The following FSD1L variants were observed in gnomAD, a reference collection of about 807,000 sequenced individuals.
FSD1L encodes the protein fibronectin type III and SPRY domain containing 1 like.
FSD1L carries 45 observed loss-of-function variants against 71.6 expected under a neutral mutation model. That is an observed-to-expected ratio of 0.63 (90% CI 0.49 to 0.81). The LOEUF (loss-of-function observed/expected upper bound fraction) is 0.81, where lower values mean the gene tolerates loss of function less well. FSD1L is among the 30% of genes least tolerant of loss of function. The probability of loss-of-function intolerance (pLI) is 0.00; values close to 1 mark genes in which losing one functional copy is unlikely to be tolerated. For missense variants in FSD1L, 561 were observed against 618.1 expected (o/e 0.91, Z 0.98); for synonymous variants, 197 against 207.2 (o/e 0.95, Z 0.42).
Position 105,550,577 on chromosome 9 carries a change from A to G in FSD1L, c.*4094A>G, listed in dbSNP as rs924939295. On this transcript the variant is annotated 3_prime_UTR_variant, in exon 14 of 14. Coordinates refer to ENST00000481272, the MANE Select transcript of FSD1L (RefSeq NM_001145313.3). Reference sequence around the variant, plus strand: ...TTCTGAAATTATTTGTGATCCTGATATGTCACATATAATAGCTTTGTTACC... The same window carrying G: ...TTCTGAAATTATTTGTGATCCTGATGTGTCACATATAATAGCTTTGTTACC... The G allele has an allele frequency of 2.0e-5, 3 of 152,070 alleles. No individual in the cohort carries two copies. Among genetic ancestry groups the G allele is most frequent in the African/African-American group, 7.2e-5 (3 of 41,430 alleles). 9.4% of individuals were successfully genotyped at this position (152,070 alleles called of 1,614,324 possible). A position where few individuals can be genotyped will look rare whatever the true frequency, so the allele number is the denominator to read the frequency against.
chr9:105,479,162 A>G (rs559853940), intron 5 of FSD1L, among the ~76,000 whole-genome samples, 192 bp from the exon 6 acceptor site: 1 of 152,366 alleles, frequency 6.6e-6, no homozygotes, highest in South Asian at 2.1e-4. Flanking sequence ...TGGATTTTCT[A>G]CTATAATTCT....
chr9:105,464,292 C>G lies in FSD1L; in HGVS notation c.168C>G (p.Asn56Lys), dbSNP rs1296273092. 1 of 1,528,760 alleles carries G rather than the reference C, an allele frequency of 6.5e-7. No homozygotes were observed. Among genetic ancestry groups the G allele is most frequent in the African/African-American group, 1.4e-5 (1 of 72,348 alleles). 94.7% of individuals were successfully genotyped at this position (1,528,760 alleles called of 1,614,324 possible). ...TLANKNDEIQ[N>K]FIDTLHHTLK... Reference sequence around the variant, plus strand: ...CAAATAAAAATGATGAAATTCAGAACTTTATTGATACACTACATCATACAC... The same window carrying G: ...CAAATAAAAATGATGAAATTCAGAAGTTTATTGATACACTACATCATACAC... The change falls in exon 3 of 14, where the codon AAC becomes AAG. Residue 56 changes from asparagine to lysine, a missense_variant. Coordinates refer to ENST00000481272, the MANE Select transcript of FSD1L (RefSeq NM_001145313.3).
intron 10 of FSD1L, chr9:105,522,964 T>C (rs1835273650): frequency 1.9e-6 from 3 of 1,614,022 alleles, no homozygotes; most frequent in Non-Finnish European, 2.5e-6. Flanking sequence ...AGCAGTGATC[T>C]TATCAGCTCA....
At chr9:105,476,995 T>C (rs1161036557) in intron 5 of FSD1L, among the ~76,000 whole-genome samples, 3 of 152,218 alleles carry the variant, frequency 2.0e-5, no homozygotes, top group Non-Finnish European at 4.4e-5. Flanking sequence ...TGTAAATGCA[T>C]GGACAACAGT....
chr9:105,482,572 A>G (rs915338212), intron 6 of FSD1L, among the ~76,000 whole-genome samples: 1 of 152,234 alleles, frequency 6.6e-6, no homozygotes, highest in South Asian at 2.1e-4. Flanking sequence ...TTATCTAATG[A>G]ATTTTAGATG....
intron 3 of FSD1L, among the ~76,000 whole-genome samples, chr9:105,466,692 C>CAAATAAAA (rs1831101134): frequency 7.0e-6 from 1 of 143,494 alleles, no homozygotes. Context: ...GACTCTGTCT[C>CAAATAAAA]AAAAAAAAAA....
At chr9:105,492,247 A>T (rs1472651592) in intron 7 of FSD1L, among the ~76,000 whole-genome samples, 1 of 152,042 alleles carries the variant, frequency 6.6e-6, no homozygotes, top group African/African-American at 2.4e-5. Flanking sequence ...GTGTCGAGGA[A>T]TTTATCCATT....
chr9:105,506,590 A>C lies in FSD1L; in HGVS notation c.778A>C (p.Thr260Pro), dbSNP rs1188022977. Residue 260 changes from threonine (T) to proline (P), a missense_variant, in exon 8 of 14, where the codon ACT becomes CCT. Thr to Pro is a conservative substitution (Grantham distance 38). Transcript: ENST00000481272. ...GGAGATAATTGATAATATTAAGGGT[A>C]CTGAATATACACTATCAGGTAACAT... ...CWEIIDNIKG[T>P]EYTLSGLKFD... 2.6e-6 allele frequency: 4 copies of C among 1,541,438 alleles called. No homozygotes were observed. The highest frequency in any genetic ancestry group is 2.0e-5 in the Admixed American group (1 of 50,968).
intron 13 of FSD1L, among the ~76,000 whole-genome samples, chr9:105,543,763 C>G (rs1390285667): frequency 7.2e-5 from 11 of 152,100 alleles, no homozygotes; most frequent in Non-Finnish European, 1.3e-4. Context: ...GACATGAACT[C>G]ATCCTTTTTT....
chr9:105,481,183 CTTTTTTT>C lies in FSD1L; in HGVS notation c.464+1822_464+1828del, dbSNP rs1169730136. On this transcript the variant is annotated intron_variant, in intron 6 of 13. Coordinates refer to ENST00000481272, the MANE Select transcript of FSD1L (RefSeq NM_001145313.3). ...TGTGTGTGTGTGTGTGTGTGTGGTT[CTTTTTTT>C]TTTTTTTTTTTTTTGCTTGTTCAAA... Among the ~76,000 whole-genome samples the C allele has an allele frequency of 1.0e-3, 29 of 28,772 alleles. No individual in the cohort carries two copies. The South Asian group carries it at 0.026, about 26-fold the overall frequency. 18.9% of individuals were successfully genotyped at this position (28,772 alleles called of 152,430 possible).
At chr9:105,504,032 C>T (rs916861131) in intron 7 of FSD1L, among the ~76,000 whole-genome samples, 6 of 152,232 alleles carry the variant, frequency 3.9e-5, no homozygotes, top group African/African-American at 9.6e-5. Context: ...ACTAGTCCTA[C>T]TCACCAATTA....
At chr9:105,469,945 T>A (rs1831343131) in intron 4 of FSD1L, among the ~76,000 whole-genome samples, 1 of 152,148 alleles carries the variant, frequency 6.6e-6, no homozygotes, top group African/African-American at 2.4e-5. Flanking sequence ...CGTATGGTGT[T>A]AAGTAAGGGA....
At chr9:105,484,923 A>C (rs1832437497) in intron 7 of FSD1L, among the ~76,000 whole-genome samples, 1 of 152,174 alleles carries the variant, frequency 6.6e-6, no homozygotes, top group African/African-American at 2.4e-5. Flanking sequence ...ATACCTCTAA[A>C]ATATTTATAA....
intron 7 of FSD1L, among the ~76,000 whole-genome samples, chr9:105,486,999 CAT>C (rs1379922097): frequency 2.0e-5 from 3 of 152,042 alleles, no homozygotes; most frequent in South Asian, 2.1e-4. Context: ...TTAAACCTAA[CAT>C]ATAATTCACC....
intron 10 of FSD1L, chr9:105,526,415 C>T (rs1400543878): frequency 2.2e-5 from 36 of 1,613,232 alleles, no homozygotes; most frequent in Non-Finnish European, 2.7e-5. Context: ...CAGTGAAACT[C>T]CCACAGCAGC....
chr9:105,546,485 GTC>G lies in FSD1L; in HGVS notation c.*4_*5del. 6.5e-7 allele frequency: 1 copy of G among 1,538,570 alleles called. No individual in the cohort carries two copies. Among genetic ancestry groups the G allele is most frequent in the Non-Finnish European group, 8.8e-7 (1 of 1,142,420 alleles). ...CTGAACAATGTTGTTACTCAATAGT[GTC>G]TACTCAGAATACGTTTACCCTCCGT... On this transcript the variant is annotated 3_prime_UTR_variant, in exon 14 of 14. Transcript: ENST00000481272.
chr9:105,547,951 T>C lies in FSD1L; in HGVS notation c.*1468T>C, dbSNP rs1837099752. ...GCCTACATTTGCGTTGCTTTCTACA[T>C]AGAGACTTGTATAATAGTATTAATA... On this transcript the variant is annotated 3_prime_UTR_variant, in exon 14 of 14. Transcript: ENST00000481272. 6.6e-6 allele frequency: 1 copy of C among 152,116 alleles called. No individual in the cohort carries two copies. The highest frequency in any genetic ancestry group is 2.1e-4 in the South Asian group (1 of 4,834). 9.4% of individuals were successfully genotyped at this position (152,116 alleles called of 1,614,324 possible).
At position 105,461,543 on chromosome 9, in the gene FSD1L, C is replaced by A; in HGVS notation, c.39C>A (p.Asn13Lys). Residue 13 changes from asparagine (N) to lysine (K), a missense_variant, in exon 2 of 14, where the codon AAC becomes AAA. Coordinates refer to ENST00000481272, the MANE Select transcript of FSD1L (RefSeq NM_001145313.3). ...AGTACTGCTTTAAGGAGAATGAAAA[C>A]GTTACAGTTGATAAAGCCTGTTTTC... is the stretch of plus-strand genomic sequence containing the variant. ...SQKYCFKENE[N>K]VTVDKACFLI... 1 of 1,550,632 alleles carries A rather than the reference C, an allele frequency of 6.4e-7. No homozygotes were observed. Among genetic ancestry groups the A allele is most frequent in the Non-Finnish European group, 8.7e-7 (1 of 1,145,996 alleles).
At chr9:105,528,257 C>T (rs538780593) in intron 10 of FSD1L, among the ~76,000 whole-genome samples, 1 of 152,296 alleles carries the variant, frequency 6.6e-6, no homozygotes, top group African/African-American at 2.4e-5. Flanking sequence ...ATCAAGCTAC[C>T]ATTGACTTTC....
Sources: gnomAD v4.1 joint callset for allele counts (sites outside exome capture counted in the v4.1 genomes callset) on GRCh38, gnomAD v4.1.1 for gene constraint, MANE v1.5 for transcripts, NCBI Gene and HGNC (gene_info 2026-07-23, HGNC 2026-07-21) for gene names.